BNIP5: variants seen among roughly 807,000 people sequenced by gnomAD.
BNIP5 encodes BCL2 interacting protein 5.
A neutral mutation model predicts 67.3 loss-of-function variants in BNIP5; 61 were observed. The observed-to-expected ratio is 0.91, with a 90% confidence interval of 0.74 to 1.12. The LOEUF is 1.12. Ranked by LOEUF, BNIP5 falls within the 50% of genes most tolerant of loss-of-function variation. The pLI, the probability that BNIP5 is intolerant of heterozygous loss-of-function variation, is 0.00. For missense variants in BNIP5, 826 were observed against 816.3 expected, an observed-to-expected ratio of 1.01 and a Z score of -0.14; for synonymous variants, 317 against 319.0, an observed-to-expected ratio of 0.99 and a Z score of 0.07.
intron 11 of BNIP5, among the ~76,000 whole-genome samples, chr6:36,318,953 A>G (rs1771575516): frequency 6.6e-6 from 1 of 152,096 alleles, no homozygotes; most frequent in Admixed American, 6.5e-5. Context: ...CCCTTATTTG[A>G]TAGATAACCT....
intron 10 of BNIP5, 118 bp from the exon 11 acceptor site, chr6:36,319,728 C>T: frequency 8.6e-7 from 1 of 1,160,648 alleles, no homozygotes; most frequent in Non-Finnish European, 1.2e-6. Context: ...GGATGAGCTC[C>T]CCTTGTTACA....
chr6:36,328,088 C>T (rs149866332), intron 3 of BNIP5, among the ~76,000 whole-genome samples: 3 of 152,266 alleles, frequency 2.0e-5, no homozygotes, highest in Non-Finnish European at 2.9e-5. Context: ...TAGGAGCACT[C>T]ATGGTATTGT....
Position 36,316,351 on chromosome 6 carries a change from A to T in BNIP5, c.*1005T>A, listed in dbSNP as rs1234896636. On this transcript the variant is annotated 3_prime_UTR_variant, in exon 12 of 12. Transcript: ENST00000437635. ...TTTCACACCTGAGTCAAGCTATTGA[A>T]ACTGTTGAGCTATACAGAAGGCAGA... The T allele has an allele frequency of 2.5e-6, 1 of 397,174 alleles. No homozygotes were observed. The highest frequency in any genetic ancestry group is 4.4e-6 in the Non-Finnish European group (1 of 225,776). 24.6% of individuals were successfully genotyped at this position (397,174 alleles called of 1,614,324 possible). A position where few individuals can be genotyped will look rare whatever the true frequency, so the allele number is the denominator to read the frequency against.
chr6:36,335,169 T>A (rs1208793600), intron 1 of BNIP5, among the ~76,000 whole-genome samples: 1 of 152,228 alleles, frequency 6.6e-6, no homozygotes, highest in Non-Finnish European at 1.5e-5. Context: ...CTTGCTGCTG[T>A]GTGTTGTTTA....
chr6:36,317,900 C>G (rs1771554351), intron 11 of BNIP5, among the ~76,000 whole-genome samples: 1 of 152,194 alleles, frequency 6.6e-6, no homozygotes, highest in Admixed American at 6.5e-5. Flanking sequence ...TCTATAATAT[C>G]TTTCACGAAT....
At chr6:36,332,198 G>T (rs12199552) in intron 1 of BNIP5, among the ~76,000 whole-genome samples, 1 of 151,868 alleles carries the variant, frequency 6.6e-6, no homozygotes. Context: ...CTTCAGGCCC[G>T]CCTGCCTCAG....
chr6:36,321,729 A>T (rs925192787), intron 9 of BNIP5, among the ~76,000 whole-genome samples: 2 of 152,150 alleles, frequency 1.3e-5, no homozygotes, highest in African/African-American at 4.8e-5. Context: ...TTTGTTTTAG[A>T]CAGAGTCTCG....
chr6:36,326,372 C>T (rs1698447625), intron 5 of BNIP5, 138 bp downstream of exon 5: 1 of 1,083,696 alleles, frequency 9.2e-7, no homozygotes, highest in Non-Finnish European at 1.3e-6. Context: ...CACAGTCATC[C>T]TCACACCACT....
At chr6:36,328,021 A>C (rs1046008037) in intron 3 of BNIP5, among the ~76,000 whole-genome samples, 14 of 152,172 alleles carry the variant, frequency 9.2e-5, no homozygotes, top group African/African-American at 3.4e-4. Context: ...TATATGCTAA[A>C]ATATGCTCAT....
chr6:36,334,681 G>A (rs1026644183), intron 1 of BNIP5, among the ~76,000 whole-genome samples: 2 of 152,144 alleles, frequency 1.3e-5, no homozygotes, highest in African/African-American at 4.8e-5. Flanking sequence ...TCTAAGCCCT[G>A]GGAAGCTTGT....
intron 8 of BNIP5, 32 bp from the exon 9 acceptor site, chr6:36,322,474 G>T: frequency 6.3e-7 from 1 of 1,599,554 alleles, no homozygotes; most frequent in African/African-American, 1.3e-5. Context: ...TGAGTGTTTT[G>T]CAGAGAGCTG....
chr6:36,335,573 C>T lies in BNIP5; in HGVS notation c.-5+1139G>A, dbSNP rs139820050. Among the ~76,000 whole-genome samples, 66 of 152,336 alleles carry T rather than the reference C, an allele frequency of 4.3e-4. 1 individual carries two copies. In the East Asian group the frequency reaches 0.013, roughly 29 times the overall value. On this transcript the variant is annotated intron_variant, in intron 1 of 11. Transcript: ENST00000437635. ...TAACTCTAAATTCCATGAGAGGGGA[C>T]CTGAGCCTGGGAGGCTCTCAGTGTT...
rs1219085809 is a variant in BNIP5, at chr6:36,321,202, T to C, written c.1621A>G (p.Lys541Glu). The change falls in exon 10 of 12, where the codon AAG becomes GAG. Residue 541 changes from lysine to glutamate, a missense_variant. Physicochemically the swap from Lys to Glu is moderately conservative, Grantham distance 56. Coordinates refer to ENST00000437635, the MANE Select transcript of BNIP5 (RefSeq NM_001010903.5). ...ACTTCTTGGAGAAGTGCCACAAGCT[T>C]CTGGATGATGATCTCCTCTAAGGAA... ...ACESKEIIIQ[K>E]LVALLQEVDG... 6.3e-7 allele frequency: 1 copy of C among 1,598,360 alleles called. No homozygotes were observed. Among genetic ancestry groups the C allele is most frequent in the South Asian group, 1.1e-5 (1 of 88,008 alleles).
At position 36,328,658 on chromosome 6, in the gene BNIP5, A is replaced by G. The variant is rs1300601888; in HGVS notation, c.667T>C (p.Leu223=). 1 of 1,614,026 alleles carries G rather than the reference A, an allele frequency of 6.2e-7. No homozygotes were observed. The highest frequency in any genetic ancestry group is 2.2e-5 in the East Asian group (1 of 44,886). ...FLIKVDGTGA[L]DVSPHATGHQ... ...CCTGTGGCATGGGGAGAAACATCCAAAGCTCCAGTACCATCCACTTTGATG... is the reference window on the plus strand; with the variant it reads ...CCTGTGGCATGGGGAGAAACATCCAGAGCTCCAGTACCATCCACTTTGATG... The change falls in exon 3 of 12, where the codon TTG becomes CTG. Residue 223 remains leucine, a synonymous_variant. Transcript: ENST00000437635.
chr6:36,327,837 C>CA (rs1554141880), intron 3 of BNIP5, among the ~76,000 whole-genome samples: 1 of 137,356 alleles, frequency 7.3e-6, no homozygotes, highest in Non-Finnish European at 1.6e-5. Context: ...TGTGGGTTTG[C>CA]TTTTTTTTTT....
In BNIP5 at chr6:36,330,114, A is replaced by C. The variant is rs1003381337; in HGVS notation, c.577T>G (p.Ser193Ala). ...GLSKAAAALR[S>A]GEADLGPARR... is the part of the protein sequence containing the mutation. ...GCTGGGCCCAGGTCAGCCTCCCCGG[A>C]GCGCAAGGCAGCAGCTGCCTTGGAC... Residue 193 changes from serine (S) to alanine (A), a missense_variant, in exon 2 of 12, where the codon TCC becomes GCC. Transcript: ENST00000437635. The C allele has an allele frequency of 3.1e-6, 5 of 1,610,180 alleles. No homozygotes were observed. The South Asian group carries it at 4.4e-5, about 14-fold the overall frequency.
Position 36,316,662 on chromosome 6 carries a change from T to C in BNIP5, c.*694A>G, listed in dbSNP as rs541040829. The stretch of plus-strand genomic sequence containing the variant: ...TGGCACTAGGTAATTTTCAGAACTC[T>C]TCACATCCATTTTCTCACTGACTCC... On this transcript the variant is annotated 3_prime_UTR_variant, in exon 12 of 12. Coordinates refer to ENST00000437635, the MANE Select transcript of BNIP5 (RefSeq NM_001010903.5). 1,445 of 398,664 alleles carry C rather than the reference T, an allele frequency of 3.6e-3. 4 individuals carry two copies. The highest frequency in any genetic ancestry group is 5.6e-3 in the Non-Finnish European group (1,266 of 226,094). The allele number at this position is 398,664 out of a possible 1,614,324, so 24.7% of individuals were successfully genotyped here.
At position 36,325,557 on chromosome 6, in the gene BNIP5, G is replaced by T; in HGVS notation, c.1037-143C>A. ...GGGCTGGAAGACAGCTGCTGGGCAG[G>T]GCTGTGCCTCTGATTTACTGGCCCA... On this transcript the variant is annotated intron_variant, in intron 5 of 11. Transcript: ENST00000437635. The T allele has an allele frequency of 4.9e-6, 5 of 1,028,792 alleles. No homozygotes were observed. The East Asian group carries it at 9.9e-5, about 20-fold the overall frequency. The allele number at this position is 1,028,792 out of a possible 1,614,324, so 63.7% of individuals were successfully genotyped here. A position where few individuals can be genotyped will look rare whatever the true frequency, so the allele number is the denominator to read the frequency against.
At chr6:36,324,575 TTATATATATATATATATA>T (rs58409463) in intron 6 of BNIP5, among the ~76,000 whole-genome samples, 39 of 50,806 alleles carry the variant, frequency 7.7e-4, no homozygotes, top group Non-Finnish European at 1.1e-3. Context: ...GACGGTGATA[TTATATATATATATATATA>T]TATATATATA....
Sources: gnomAD v4.1 joint callset for allele counts (sites outside exome capture counted in the v4.1 genomes callset) on GRCh38, gnomAD v4.1.1 for gene constraint, MANE v1.5 for transcripts, NCBI Gene and HGNC (gene_info 2026-07-23, HGNC 2026-07-21) for gene names.